Variants in EEPD1 observed in about 807,000 individuals in gnomAD.
The protein encoded by EEPD1 is endonuclease/exonuclease/phosphatase family domain-containing protein 1.
Under a neutral mutation model 46.3 loss-of-function variants are expected in EEPD1, and 17 were observed. That is an observed-to-expected ratio of 0.37 (90% CI 0.25 to 0.55). EEPD1 has a LOEUF of 0.55. Ranked by LOEUF, EEPD1 falls within the 20% of genes least tolerant of loss-of-function variation. The probability of loss-of-function intolerance (pLI) is 0.83; values close to 1 mark genes in which losing one functional copy is unlikely to be tolerated. For missense variants in EEPD1, 673 were observed against 745.6 expected (o/e 0.90, Z 1.13); for synonymous variants, 313 against 315.6 (o/e 0.99, Z 0.09).
intron 2 of EEPD1, among the ~76,000 whole-genome samples, chr7:36,203,958 C>T (rs1457868004): frequency 6.9e-6 from 1 of 145,018 alleles, no homozygotes; most frequent in Non-Finnish European, 1.6e-5. Flanking sequence ...TTTTATAAAC[C>T]ACTTTTTTTT....
chr7:36,178,371 T>C (rs7801679), intron 2 of EEPD1, among the ~76,000 whole-genome samples: 6,667 of 152,322 alleles, frequency 0.044, 448 homozygotes, highest in African/African-American at 0.15. Context: ...TCTGAAAGCA[T>C]TGGGGCTCCC....
chr7:36,217,098 T>C (rs970169251), intron 2 of EEPD1, among the ~76,000 whole-genome samples: 1 of 152,206 alleles, frequency 6.6e-6, no homozygotes, highest in African/African-American at 2.4e-5. Context: ...GTCCATGGAG[T>C]AAAGTGAAAA....
chr7:36,273,611 C>T (rs1787143370), intron 3 of EEPD1, among the ~76,000 whole-genome samples: 1 of 152,068 alleles, frequency 6.6e-6, no homozygotes, highest in Non-Finnish European at 1.5e-5. Context: ...GTTTATGAGA[C>T]TCATATTTCC....
intron 2 of EEPD1, among the ~76,000 whole-genome samples, chr7:36,214,574 A>G (rs1287804535): frequency 6.6e-6 from 1 of 152,128 alleles, no homozygotes; most frequent in Non-Finnish European, 1.5e-5. Flanking sequence ...CTCTCCTGGG[A>G]ACTTGTTGGA....
At chr7:36,259,670 C>T (rs1302272571) in intron 3 of EEPD1, among the ~76,000 whole-genome samples, 4 of 148,676 alleles carry the variant, frequency 2.7e-5, no homozygotes, top group East Asian at 1.9e-4. Flanking sequence ...CCACCATGCC[C>T]GGCTATTATA....
At chr7:36,197,541 G>A (rs982238085) in intron 2 of EEPD1, among the ~76,000 whole-genome samples, 8 of 152,130 alleles carry the variant, frequency 5.3e-5, no homozygotes, top group Admixed American at 3.9e-4. Context: ...AGGTAGACAT[G>A]GGAGACTTTT....
chr7:36,217,254 A>T (rs2540674), intron 2 of EEPD1, among the ~76,000 whole-genome samples: 1 of 152,276 alleles, frequency 6.6e-6, no homozygotes, highest in South Asian at 2.1e-4. Context: ...TCAGGGAAAG[A>T]GGTGGGCAAT....
intron 3 of EEPD1, among the ~76,000 whole-genome samples, chr7:36,274,546 T>C (rs1787157256): frequency 1.3e-5 from 2 of 152,248 alleles, no homozygotes; most frequent in Admixed American, 1.3e-4. Flanking sequence ...TAGAGTAAAT[T>C]GACTTTCATT....
intron 2 of EEPD1, among the ~76,000 whole-genome samples, chr7:36,182,739 T>C (rs1473909103): frequency 4.6e-5 from 7 of 152,208 alleles, no homozygotes; most frequent in Middle Eastern, 3.2e-3. Context: ...TCTTGGGGAT[T>C]ATAAAACGGA....
intron 2 of EEPD1, among the ~76,000 whole-genome samples, chr7:36,158,307 A>G (rs2115594407): frequency 6.9e-6 from 1 of 144,444 alleles, no homozygotes; most frequent in Non-Finnish European, 1.5e-5. Flanking sequence ...TTAGACACCC[A>G]TCCTCTCCCT....
At chr7:36,242,976 C>G (rs1786578927) in intron 3 of EEPD1, among the ~76,000 whole-genome samples, 2 of 152,072 alleles carry the variant, frequency 1.3e-5, no homozygotes, top group African/African-American at 4.8e-5. Flanking sequence ...AAGATGAGTT[C>G]CTAAAGGGCC....
At chr7:36,245,174 C>T (rs149277701) in intron 3 of EEPD1, among the ~76,000 whole-genome samples, 2 of 152,196 alleles carry the variant, frequency 1.3e-5, no homozygotes, top group Non-Finnish European at 2.9e-5. Flanking sequence ...TCTTGATCTC[C>T]GGGCCTCAGG....
chr7:36,239,357 C>T (rs1284836052), intron 3 of EEPD1, among the ~76,000 whole-genome samples: 3 of 152,026 alleles, frequency 2.0e-5, no homozygotes, highest in Non-Finnish European at 4.4e-5. Context: ...AGAGGCCTCA[C>T]GCATGCCGGA....
chr7:36,198,342 G>GAAAAAAAA (rs1361024411), intron 2 of EEPD1, among the ~76,000 whole-genome samples: 1 of 33,096 alleles, frequency 3.0e-5, no homozygotes, highest in African/African-American at 1.2e-4. Flanking sequence ...AAAAAGAAAA[G>GAAAAAAAA]AAAAAAAAAA....
chr7:36,273,581 A>T (rs992100632), intron 3 of EEPD1, among the ~76,000 whole-genome samples: 1 of 151,794 alleles, frequency 6.6e-6, no homozygotes, highest in Non-Finnish European at 1.5e-5. Context: ...ACAGAGAAGG[A>T]GGGAGAAAGG....
intron 2 of EEPD1, among the ~76,000 whole-genome samples, chr7:36,186,891 G>A (rs1309451337): frequency 6.6e-6 from 1 of 152,218 alleles, no homozygotes; most frequent in Non-Finnish European, 1.5e-5. Context: ...TGTAACACAG[G>A]TTAGCTCATC....
intron 2 of EEPD1, among the ~76,000 whole-genome samples, chr7:36,163,883 GAAAAAAA>G (rs11411037): frequency 1.8e-5 from 2 of 111,086 alleles, no homozygotes; most frequent in African/African-American, 3.3e-5. Flanking sequence ...ATCTCAGGAA[GAAAAAAA>G]AAAAAAAAAA....
At chr7:36,156,796 A>G (rs1392905808) in intron 2 of EEPD1, among the ~76,000 whole-genome samples, 1 of 152,222 alleles carries the variant, frequency 6.6e-6, no homozygotes, top group African/African-American at 2.4e-5. Flanking sequence ...GTTCTGATGC[A>G]CACTAAAGTT....
chr7:36,183,874 C>CG (rs1785315723), intron 2 of EEPD1, among the ~76,000 whole-genome samples: 2 of 47,292 alleles, frequency 4.2e-5, no homozygotes, highest in Non-Finnish European at 1.8e-4. Flanking sequence ...TCCTAGCCCT[C>CG]GTTTTTTTTT....
Sources: gnomAD v4.1 joint callset for allele counts (sites outside exome capture counted in the v4.1 genomes callset) on GRCh38, gnomAD v4.1.1 for gene constraint, MANE v1.5 for transcripts, NCBI Gene and HGNC (gene_info 2026-07-23, HGNC 2026-07-21) for gene names.